Variants in ZNF423 observed in about 807,000 individuals in gnomAD.
The protein encoded by ZNF423 is zinc finger protein 423, also known as Ebf-associated zinc finger protein.
In ZNF423, 12 loss-of-function variants were observed where a neutral mutation model predicts 95.8. That is an observed-to-expected ratio of 0.13 (90% CI 0.08 to 0.20). The LOEUF (loss-of-function observed/expected upper bound fraction) is 0.20. Ranked by LOEUF, ZNF423 falls within the 10% of genes least tolerant of loss-of-function variation. The pLI is 1.00. For missense variants in ZNF423, 1,316 were observed against 1,737.1 expected (o/e 0.76, Z 4.31); for synonymous variants, 749 against 711.9 (o/e 1.05, Z -0.83).
intron 5 of ZNF423, among the ~76,000 whole-genome samples, chr16:49,598,820 GGTT>G: frequency 6.6e-6 from 1 of 152,354 alleles, no homozygotes; most frequent in Non-Finnish European, 1.5e-5. Context: ...GGATGCAGAT[GGTT>G]TATAACTACT....
At chr16:49,651,480 G>C (rs1270660734) in intron 3 of ZNF423, among the ~76,000 whole-genome samples, 2 of 152,162 alleles carry the variant, frequency 1.3e-5, no homozygotes, top group African/African-American at 4.8e-5. Flanking sequence ...ATTAGGGGGT[G>C]TCCCGGGCCT....
At chr16:49,755,005 G>A (rs1473634571) in intron 2 of ZNF423, among the ~76,000 whole-genome samples, 5 of 152,132 alleles carry the variant, frequency 3.3e-5, no homozygotes, top group African/African-American at 7.2e-5. Context: ...GCAACAGTCC[G>A]CCGGTGCGGC....
intron 7 of ZNF423, among the ~76,000 whole-genome samples, chr16:49,514,950 G>T (rs1251347605): frequency 6.6e-6 from 1 of 152,254 alleles, no homozygotes; most frequent in Non-Finnish European, 1.5e-5. Context: ...ACAGCTCCAA[G>T]ATCCCAGAAG....
At chr16:49,590,271 C>T (rs1970970275) in intron 5 of ZNF423, among the ~76,000 whole-genome samples, 2 of 151,930 alleles carry the variant, frequency 1.3e-5, no homozygotes, top group African/African-American at 4.8e-5. Flanking sequence ...GCTGGGGCTG[C>T]GGGCAGCACC....
chr16:49,859,007 C>T (rs940158414), upstream of ZNF423, among the ~76,000 whole-genome samples: 6 of 152,212 alleles, frequency 3.9e-5, no homozygotes, highest in Non-Finnish European at 8.8e-5. Context: ...GGAACGGCCC[C>T]CAGCTCGCCC....
chr16:49,597,051 T>G (rs1971205420), intron 5 of ZNF423, among the ~76,000 whole-genome samples: 1 of 152,102 alleles, frequency 6.6e-6, no homozygotes, highest in Admixed American at 6.5e-5. Context: ...CATCGAGAGA[T>G]CTCTCTGAAG....
At chr16:49,611,269 A>C (rs1423015324) in intron 5 of ZNF423, among the ~76,000 whole-genome samples, 3 of 152,090 alleles carry the variant, frequency 2.0e-5, no homozygotes, top group Admixed American at 6.5e-5. Flanking sequence ...AACAAATGTC[A>C]ACATATTTAA....
rs1359876988 is a variant in ZNF423 at position 49,490,748 on chromosome 16, C to T, written c.*527G>A. On this transcript the variant is annotated 3_prime_UTR_variant, in exon 8 of 8. Transcript: ENST00000563137. Reference sequence around the variant, plus strand: ...ATCACTGTCCGGTGAACTGGCAAATCCAATCAAAGCATTAGTCTTTAATTA... The same window carrying T: ...ATCACTGTCCGGTGAACTGGCAAATTCAATCAAAGCATTAGTCTTTAATTA... 2 of 157,050 alleles carry T rather than the reference C, an allele frequency of 1.3e-5. No individual in the cohort carries two copies. The highest frequency in any genetic ancestry group is 3.8e-4 in the South Asian group (2 of 5,328). 9.7% of individuals were successfully genotyped at this position (157,050 alleles called of 1,614,324 possible). A position where few individuals can be genotyped will look rare whatever the true frequency, so the allele number is the denominator to read the frequency against.
At chr16:49,792,615 A>G (rs2034434020) in intron 1 of ZNF423, among the ~76,000 whole-genome samples, 1 of 152,196 alleles carries the variant, frequency 6.6e-6, no homozygotes, top group South Asian at 2.1e-4. Flanking sequence ...TTGGGTGTTA[A>G]TGCGTTTTCC....
intron 3 of ZNF423, among the ~76,000 whole-genome samples, chr16:49,678,654 C>T (rs1207676121): frequency 2.6e-5 from 4 of 152,144 alleles, no homozygotes; most frequent in African/African-American, 4.8e-5. Context: ...GTCTTTCCTC[C>T]CTCTCCTCAC....
intron 1 of ZNF423, among the ~76,000 whole-genome samples, chr16:49,836,993 A>C (rs1305995327): frequency 1.3e-5 from 2 of 152,260 alleles, no homozygotes; most frequent in East Asian, 3.9e-4. Context: ...AATAAAGCCC[A>C]CTCAGATTCC....
chr16:49,626,288 G>A (rs1972267647), intron 4 of ZNF423, 34 bp from the exon 5 acceptor site: 1 of 1,606,572 alleles, frequency 6.2e-7, no homozygotes, highest in Non-Finnish European at 8.5e-7. Flanking sequence ...GATTTAGAGA[G>A]GCAGGAGGTA....
intron 3 of ZNF423, among the ~76,000 whole-genome samples, chr16:49,663,212 T>C (rs2030337337): frequency 6.6e-6 from 1 of 152,140 alleles, no homozygotes; most frequent in African/African-American, 2.4e-5. Context: ...ATTAACCCAG[T>C]AGCCAATAAT....
At chr16:49,564,072 A>G (rs1303074334) in intron 5 of ZNF423, among the ~76,000 whole-genome samples, 1 of 152,206 alleles carries the variant, frequency 6.6e-6, no homozygotes, top group Non-Finnish European at 1.5e-5. Flanking sequence ...TTAGAGCCAC[A>G]TCTGCAGCTG....
At chr16:49,594,088 G>GC (rs921172606) in intron 5 of ZNF423, among the ~76,000 whole-genome samples, 2 of 152,110 alleles carry the variant, frequency 1.3e-5, no homozygotes, top group African/African-American at 4.8e-5. Context: ...CCTCCCCTCA[G>GC]CCCCCCAGCT....
At chr16:49,745,515 C>T (rs1428596720) in intron 2 of ZNF423, among the ~76,000 whole-genome samples, 4 of 152,240 alleles carry the variant, frequency 2.6e-5, no homozygotes, top group Non-Finnish European at 5.9e-5. Context: ...TGGGCTCCCT[C>T]ATCAAGGGTC....
chr16:49,650,631 A>C (rs888470598), intron 3 of ZNF423, among the ~76,000 whole-genome samples: 3 of 152,148 alleles, frequency 2.0e-5, no homozygotes, highest in African/African-American at 7.2e-5. Context: ...GGGGCCACAC[A>C]CCCAGGCATC....
At chr16:49,504,045 C>T (rs993378095) in intron 7 of ZNF423, among the ~76,000 whole-genome samples, 2 of 152,162 alleles carry the variant, frequency 1.3e-5, no homozygotes, top group African/African-American at 4.8e-5. Context: ...GTGCCTAAAA[C>T]AGCCAAATCA....
At chr16:49,695,121 T>G (rs997284885) in intron 3 of ZNF423, among the ~76,000 whole-genome samples, 4 of 152,196 alleles carry the variant, frequency 2.6e-5, no homozygotes, top group Non-Finnish European at 4.4e-5. Context: ...TTTTGGTTTT[T>G]GTTTTTGTTT....
Sources: allele counts gnomAD v4.1 joint callset (sites outside exome capture counted in the v4.1 genomes callset), GRCh38; gene constraint gnomAD v4.1.1; transcripts MANE v1.5; gene names NCBI Gene and HGNC (gene_info 2026-07-23, HGNC 2026-07-21).